Variants in BCL2 observed in about 807,000 individuals in gnomAD.
The protein encoded by BCL2 is BCL2 apoptosis regulator, also known as apoptosis regulator Bcl-2.
BCL2 carries 1 observed loss-of-function variant against 14.2 expected under a neutral mutation model. That is an observed-to-expected ratio of 0.07 (90% CI 0.02 to 0.33). BCL2 has a LOEUF of 0.33. Among genes scored for constraint, BCL2 ranks in the 10% least tolerant of loss-of-function variants. The probability of loss-of-function intolerance (pLI) is 0.99; values close to 1 mark genes in which losing one functional copy is unlikely to be tolerated. For synonymous variants in BCL2, 151 were observed against 137.2 expected, an observed-to-expected ratio of 1.10 and a Z score of -0.70; for missense variants, 247 against 305.9, an observed-to-expected ratio of 0.81 and a Z score of 1.44.
chr18:63,157,370 A>G (rs1200124654), intron 2 of BCL2, among the ~76,000 whole-genome samples: 4 of 152,204 alleles, frequency 2.6e-5, no homozygotes, highest in Non-Finnish European at 4.4e-5. Context: ...GTGGTCCCAA[A>G]GGGGATCCTC....
rs1039327910 is a variant in BCL2 at position 63,123,925 on chromosome 18, T to G, written c.*4700A>C. ...TTTATTAATAGTCTCAGAATTTTCT[T>G]GATTGAGCGAGCCTTTCCATCCTCC... On this transcript the variant is annotated 3_prime_UTR_variant, in exon 3 of 3. Coordinates refer to ENST00000333681, the MANE Select transcript of BCL2 (RefSeq NM_000633.3). 1 of 219,750 alleles carries G rather than the reference T, an allele frequency of 4.6e-6. No homozygotes were observed. The highest frequency in any genetic ancestry group is 2.2e-5 in the African/African-American group (1 of 44,518). 13.6% of individuals were successfully genotyped at this position (219,750 alleles called of 1,614,324 possible).
intron 2 of BCL2, among the ~76,000 whole-genome samples, chr18:63,172,608 T>C (rs1056559307): frequency 6.6e-6 from 1 of 152,040 alleles, no homozygotes; most frequent in East Asian, 1.9e-4. Context: ...GGTGAAACCC[T>C]GTCTCTACTA....
At chr18:63,175,283 A>C (rs1220719066) in intron 2 of BCL2, among the ~76,000 whole-genome samples, 1 of 152,256 alleles carries the variant, frequency 6.6e-6, no homozygotes, top group Non-Finnish European at 1.5e-5. Flanking sequence ...TGATTAAAAA[A>C]ATTATGAAAC....
intron 2 of BCL2, among the ~76,000 whole-genome samples, chr18:63,213,559 C>A (rs958013263): frequency 4.0e-5 from 6 of 151,374 alleles, no homozygotes; most frequent in African/African-American, 1.5e-4. Flanking sequence ...CACACACACA[C>A]ACACACACAC....
intron 2 of BCL2, among the ~76,000 whole-genome samples, chr18:63,159,060 A>G (rs1228021082): frequency 6.6e-6 from 1 of 152,190 alleles, no homozygotes; most frequent in Non-Finnish European, 1.5e-5. Context: ...ACACAACTGA[A>G]AGAGAACTGT....
intron 2 of BCL2, among the ~76,000 whole-genome samples, chr18:63,218,084 T>C (rs1468801339): frequency 6.6e-6 from 1 of 152,218 alleles, no homozygotes; most frequent in Non-Finnish European, 1.5e-5. Flanking sequence ...TCTCTTTCTC[T>C]GCATCGGTGG....
intron 2 of BCL2, among the ~76,000 whole-genome samples, chr18:63,305,620 CG>C (rs1568264737): frequency 6.6e-6 from 1 of 151,756 alleles, no homozygotes; most frequent in African/African-American, 2.4e-5. Flanking sequence ...TTTTTTCACC[CG>C]GAAAAAAATT....
chr18:63,169,340 T>C lies in BCL2; in HGVS notation c.586-40581A>G, dbSNP rs185298357. On this transcript the variant is annotated intron_variant, in intron 2 of 2. Transcript: ENST00000333681. Reference sequence around the variant, plus strand: ...CCTTCCTTCTTTCCTTTCCTTCCTTTCTTTCTTTCTTTCTTTCTTTCTTTC... The same window carrying C: ...CCTTCCTTCTTTCCTTTCCTTCCTTCCTTTCTTTCTTTCTTTCTTTCTTTC... Among the ~76,000 whole-genome samples, 205 of 45,688 alleles carry C rather than the reference T, an allele frequency of 4.5e-3. 4 individuals are homozygous for C. Among genetic ancestry groups the C allele is most frequent in the Middle Eastern group, 8.8e-3 (1 of 114 alleles). The allele number at this position is 45,688 out of a possible 152,430, so 30.0% of individuals were successfully genotyped here.
At chr18:63,314,733 G>T (rs1913444236) in intron 2 of BCL2, 1 of 152,206 alleles carries the variant, frequency 6.6e-6, no homozygotes, top group Non-Finnish European at 1.5e-5. Flanking sequence ...AATTTAAACT[G>T]TGTTATGAGG....
intron 2 of BCL2, among the ~76,000 whole-genome samples, chr18:63,266,172 C>T (rs1236305921): frequency 1.3e-5 from 2 of 151,684 alleles, no homozygotes; most frequent in Non-Finnish European, 1.5e-5. Flanking sequence ...ACCTAAATAT[C>T]CAAAAAGGAG....
At chr18:63,160,701 A>G (rs1225432047) in intron 2 of BCL2, among the ~76,000 whole-genome samples, 4 of 152,144 alleles carry the variant, frequency 2.6e-5, no homozygotes, top group Non-Finnish European at 5.9e-5. Context: ...GGTCCCTCCA[A>G]CCATCACATT....
intron 2 of BCL2, among the ~76,000 whole-genome samples, chr18:63,132,007 GC>G (rs1189322870): frequency 6.6e-6 from 1 of 152,132 alleles, no homozygotes; most frequent in Non-Finnish European, 1.5e-5. Context: ...AACCTAACAG[GC>G]CATTTCTGAT....
rs1011129514 is a variant in BCL2, at chr18:63,234,398, T to C, written c.585+83684A>G. Among the ~76,000 whole-genome samples the C allele has an allele frequency of 2.0e-5, 3 of 152,362 alleles. No homozygotes were observed. The East Asian group carries it at 5.8e-4, about 29-fold the overall frequency. On this transcript the variant is annotated intron_variant, in intron 2 of 2. Transcript: ENST00000333681. ...GGATAATGGCTTCCAGTTCCATCCA[T>C]GTCCCTGCAAAGGACATGATCTCAT... is the stretch of plus-strand genomic sequence containing the variant.
chr18:63,175,836 G>A (rs192664207), intron 2 of BCL2, among the ~76,000 whole-genome samples: 2 of 152,218 alleles, frequency 1.3e-5, no homozygotes, highest in East Asian at 1.9e-4. Flanking sequence ...CCTGAGAGAC[G>A]GGCATCCTCT....
intron 2 of BCL2, among the ~76,000 whole-genome samples, chr18:63,162,098 G>A (rs1035976304): frequency 1.3e-5 from 2 of 152,104 alleles, no homozygotes; most frequent in Non-Finnish European, 1.5e-5. Flanking sequence ...TGCCCGCTCC[G>A]CACTCAAATC....
At chr18:63,166,260 C>T (rs1420379943) in intron 2 of BCL2, among the ~76,000 whole-genome samples, 3 of 152,138 alleles carry the variant, frequency 2.0e-5, no homozygotes, top group South Asian at 2.1e-4. Flanking sequence ...GAGAAGGATC[C>T]GCTGTGGAGG....
chr18:63,298,973 C>A (rs4941194), intron 2 of BCL2, among the ~76,000 whole-genome samples: 1 of 152,020 alleles, frequency 6.6e-6, no homozygotes, highest in African/African-American at 2.4e-5. Flanking sequence ...CCAAAACCGC[C>A]TGGGTTCAAA....
chr18:63,317,991 C>T (rs2144320476), intron 2 of BCL2, 91 bp downstream of exon 2: 3 of 1,522,794 alleles, frequency 2.0e-6, no homozygotes, highest in Non-Finnish European at 2.7e-6. Context: ...GCTCCACAGC[C>T]TCCCATTGCC....
chr18:63,267,395 G>A (rs1322351851), intron 2 of BCL2, among the ~76,000 whole-genome samples: 1 of 152,190 alleles, frequency 6.6e-6, no homozygotes, highest in East Asian at 1.9e-4. Context: ...GCAGGGGATG[G>A]AGTGGGGAAG....
Sources: gnomAD v4.1 joint callset for allele counts (sites outside exome capture counted in the v4.1 genomes callset) on GRCh38, gnomAD v4.1.1 for gene constraint, MANE v1.5 for transcripts, NCBI Gene and HGNC (gene_info 2026-07-23, HGNC 2026-07-21) for gene names.